DCP1A: variants seen among roughly 807,000 people sequenced by gnomAD.
The protein encoded by DCP1A is decapping mRNA 1A.
In DCP1A, 20 loss-of-function variants were observed where a neutral mutation model predicts 58.0. The ratio of observed to expected loss-of-function variants is 0.34; its 90% CI spans 0.24 to 0.50. The LOEUF is 0.50. DCP1A is among the 20% of genes least tolerant of loss of function. DCP1A has a pLI of 0.98. For missense variants in DCP1A, 613 were observed against 712.2 expected (o/e 0.86, Z 1.59); for synonymous variants, 285 against 275.1 (o/e 1.04, Z -0.36).
intron 5 of DCP1A, among the ~76,000 whole-genome samples, chr3:53,305,927 T>C (rs1553687980): frequency 6.6e-6 from 1 of 152,094 alleles, no homozygotes; most frequent in East Asian, 1.9e-4. Flanking sequence ...ATCAGACCAA[T>C]AGATGGACAT....
intron 7 of DCP1A, 64 bp downstream of exon 7, chr3:53,292,005 C>T: frequency 1.3e-6 from 2 of 1,505,302 alleles, no homozygotes; most frequent in Non-Finnish European, 8.9e-7. Context: ...ACCAAGGTCT[C>T]TGTAGTTTCA....
chr3:53,288,758 TGGGCGCA>T, intron 8 of DCP1A, among the ~76,000 whole-genome samples: 1 of 152,170 alleles, frequency 6.6e-6, no homozygotes, highest in Admixed American at 6.5e-5. Flanking sequence ...ATGTTTTGGC[TGGGCGCA>T]GTGGTTCATG....
chr3:53,338,842 C>G (rs2089158729), intron 3 of DCP1A, among the ~76,000 whole-genome samples: 1 of 129,104 alleles, frequency 7.7e-6, no homozygotes, highest in South Asian at 2.3e-4. Context: ...GCCTGGGTGA[C>G]AGAGCAAGGC....
chr3:53,322,899 C>T (rs1222674173), intron 3 of DCP1A, among the ~76,000 whole-genome samples: 1 of 151,780 alleles, frequency 6.6e-6, no homozygotes, highest in Non-Finnish European at 1.5e-5. Context: ...GCAAGCTCTG[C>T]CTCCCGTGTT....
At chr3:53,295,983 C>T (rs1553686721) in intron 6 of DCP1A, among the ~76,000 whole-genome samples, 1 of 151,648 alleles carries the variant, frequency 6.6e-6, no homozygotes, top group Non-Finnish European at 1.5e-5. Context: ...ACCTCCTCCT[C>T]CCAGGTTCAA....
chr3:53,334,482 G>A (rs1355075936), intron 3 of DCP1A, among the ~76,000 whole-genome samples: 1 of 151,744 alleles, frequency 6.6e-6, no homozygotes, highest in Non-Finnish European at 1.5e-5. Flanking sequence ...TGGTTTGAAA[G>A]TTAAAATATC....
At chr3:53,310,436 T>C (rs911640165) in intron 5 of DCP1A, among the ~76,000 whole-genome samples, 5 of 152,232 alleles carry the variant, frequency 3.3e-5, no homozygotes, top group Admixed American at 2.6e-4. Context: ...AGTATCTGCT[T>C]TAGTGCGCAG....
At chr3:53,297,917 C>A (rs1397142054) in intron 6 of DCP1A, among the ~76,000 whole-genome samples, 1 of 152,196 alleles carries the variant, frequency 6.6e-6, no homozygotes, top group Non-Finnish European at 1.5e-5. Context: ...TAACTTTGAA[C>A]AGCCAAAAAT....
At position 53,292,110 on chromosome 3, in the gene DCP1A, C is replaced by T; in HGVS notation, c.1342G>A (p.Ala448Thr). The stretch of plus-strand genomic sequence containing the variant: ...ACCATGTTGCTCAGGGAGGCTGAGG[C>T]CGCCACTCTTGCTGCTGCTGTCTTA... ...PSKTAAARVAASASLSNMVLA... is the reference protein window; with the variant it reads ...PSKTAAARVATSASLSNMVLA... Residue 448 changes from alanine to threonine, a missense_variant, in exon 7 of 10, where the codon GCC becomes ACC. Coordinates refer to ENST00000610213, the MANE Select transcript of DCP1A (RefSeq NM_018403.7). The T allele has an allele frequency of 6.2e-7, 1 of 1,613,648 alleles. No individual in the cohort carries two copies. The highest frequency in any genetic ancestry group is 8.5e-7 in the Non-Finnish European group (1 of 1,179,804).
intron 4 of DCP1A, among the ~76,000 whole-genome samples, chr3:53,316,121 G>A (rs1383908276): frequency 3.9e-5 from 6 of 152,082 alleles, no homozygotes; most frequent in African/African-American, 1.4e-4. Flanking sequence ...GTGATGGGAA[G>A]AACTGTATTT....
At chr3:53,316,563 C>T (rs1352551765) in intron 4 of DCP1A, among the ~76,000 whole-genome samples, 2 of 150,762 alleles carry the variant, frequency 1.3e-5, no homozygotes, top group Non-Finnish European at 3.0e-5. Flanking sequence ...ACCACTGTGC[C>T]TGGCTTCTCT....
chr3:53,294,543 G>A (rs782140586), intron 6 of DCP1A, among the ~76,000 whole-genome samples: 26 of 152,168 alleles, frequency 1.7e-4, no homozygotes, highest in Admixed American at 3.3e-4. Context: ...AACACAAAAC[G>A]GTAATTTCAT....
At position 53,292,579 on chromosome 3, in the gene DCP1A, C is replaced by G; in HGVS notation, c.873G>C (p.Pro291=). The G allele has an allele frequency of 6.2e-7, 1 of 1,613,794 alleles. No individual in the cohort carries two copies. Among genetic ancestry groups the G allele is most frequent in the Admixed American group, 1.7e-5 (1 of 59,990 alleles). The stretch of plus-strand genomic sequence containing the variant: ...TGATGGAGGCTGGAGTGATTAGCAC[C>G]GGGGTGGTGATTTCAGGCTGGACTG... ...HHSVQPEITT[P]VLITPASITQ... is the part of the protein sequence containing the mutation. The change falls in exon 7 of 10, where the codon CCG becomes CCC. Residue 291 remains proline, a synonymous_variant. Transcript: ENST00000610213.
At chr3:53,306,916 G>A (rs1707493074) in intron 5 of DCP1A, among the ~76,000 whole-genome samples, 1 of 145,726 alleles carries the variant, frequency 6.9e-6, no homozygotes, top group Non-Finnish European at 1.5e-5. Flanking sequence ...CACCAACCAT[G>A]TTGCCCAGGC....
At chr3:53,337,986 A>G (rs1319441365) in intron 3 of DCP1A, 1 of 280,420 alleles carries the variant, frequency 3.6e-6, no homozygotes, top group African/African-American at 2.2e-5. Flanking sequence ...ACTACTCTAG[A>G]ATATGGATTG....
chr3:53,341,449 G>T (rs1440313466), intron 3 of DCP1A, among the ~76,000 whole-genome samples: 3 of 151,820 alleles, frequency 2.0e-5, no homozygotes, highest in African/African-American at 7.3e-5. Context: ...GCAAGACTCC[G>T]TCTCAAAAAA....
chr3:53,290,598 C>G (rs1706821358), intron 8 of DCP1A, 193 bp downstream of exon 8: 1 of 664,804 alleles, frequency 1.5e-6, no homozygotes, highest in Admixed American at 2.7e-5. Context: ...TCACATCCAG[C>G]AGAACTTAAA....
intron 5 of DCP1A, among the ~76,000 whole-genome samples, chr3:53,308,377 T>C (rs537503133): frequency 6.6e-6 from 1 of 152,222 alleles, no homozygotes; most frequent in African/African-American, 2.4e-5. Flanking sequence ...TCACTGTAAC[T>C]TGGAGCTGTT....
At chr3:53,312,495 C>CAT in intron 4 of DCP1A, 116 bp from the exon 5 acceptor site, 2 of 526,034 alleles carry the variant, frequency 3.8e-6, no homozygotes, top group African/African-American at 2.2e-5. Context: ...TGACATTCTT[C>CAT]TTTTTTTTTT....
Sources: gnomAD v4.1 joint callset for allele counts (sites outside exome capture counted in the v4.1 genomes callset) on GRCh38, gnomAD v4.1.1 for gene constraint, MANE v1.5 for transcripts, NCBI Gene and HGNC (gene_info 2026-07-23, HGNC 2026-07-21) for gene names.